Variants in CTNNA2 observed in about 807,000 individuals in gnomAD.
The protein encoded by CTNNA2 is catenin alpha 2.
In CTNNA2, 42 loss-of-function variants were observed where a neutral mutation model predicts 101.0. The ratio of observed to expected loss-of-function variants is 0.42; its 90% CI spans 0.32 to 0.54. CTNNA2 has a LOEUF of 0.54. Ranked by LOEUF, CTNNA2 falls within the 20% of genes least tolerant of loss-of-function variation. The pLI is 0.14. For synonymous variants in CTNNA2, 450 were observed against 456.4 expected, an observed-to-expected ratio of 0.99 and a Z score of 0.18; for missense variants, 871 against 1,223.1, an observed-to-expected ratio of 0.71 and a Z score of 4.29.
intron 7 of CTNNA2, among the ~76,000 whole-genome samples, chr2:80,213,485 C>G (rs931889078): frequency 6.6e-6 from 1 of 152,192 alleles, no homozygotes; most frequent in African/African-American, 2.4e-5. Context: ...AGTAGTCATT[C>G]AGGAGCACAT....
chr2:80,350,488 A>G (rs1222331737), intron 7 of CTNNA2, among the ~76,000 whole-genome samples: 1 of 152,210 alleles, frequency 6.6e-6, no homozygotes, highest in African/African-American at 2.4e-5. Context: ...CAGTTGCTAC[A>G]AGAAGTGGCA....
intron 3 of CTNNA2, among the ~76,000 whole-genome samples, chr2:79,340,652 T>G (rs1365360266): frequency 6.6e-6 from 1 of 151,708 alleles, no homozygotes; most frequent in Non-Finnish European, 1.5e-5. Context: ...GCTAACACGG[T>G]GAAACCCTGT....
chr2:80,014,436 A>G (rs2104046958), intron 7 of CTNNA2, among the ~76,000 whole-genome samples: 1 of 151,736 alleles, frequency 6.6e-6, no homozygotes, highest in Admixed American at 6.6e-5. Flanking sequence ...TTTGAGACAT[A>G]TATTTTCTAT....
At chr2:79,528,351 A>G (rs1672543798) in intron 1 of CTNNA2, among the ~76,000 whole-genome samples, 1 of 151,980 alleles carries the variant, frequency 6.6e-6, no homozygotes, top group South Asian at 2.1e-4. Flanking sequence ...AGCTGGGATT[A>G]TAGGGGTATG....
intron 2 of CTNNA2, among the ~76,000 whole-genome samples, chr2:79,724,581 T>C (rs558897701): frequency 9.9e-5 from 15 of 152,056 alleles, no homozygotes; most frequent in South Asian, 6.2e-4. Context: ...TTTGGGAGGC[T>C]GAGGCGGTCG....
At chr2:80,452,900 A>G (rs1683637073) in intron 9 of CTNNA2, among the ~76,000 whole-genome samples, 1 of 146,876 alleles carries the variant, frequency 6.8e-6, no homozygotes, top group Admixed American at 6.6e-5. Context: ...TTGGAAAGGT[A>G]TCTGATGGAA....
chr2:79,451,465 T>TA (rs904962272), intron 4 of CTNNA2, among the ~76,000 whole-genome samples: 7 of 151,508 alleles, frequency 4.6e-5, no homozygotes, highest in Admixed American at 4.0e-4. Flanking sequence ...ATGAGAACTT[T>TA]AAAAAAAAAC....
chr2:80,549,286 C>G (rs1374293554), intron 11 of CTNNA2, among the ~76,000 whole-genome samples: 1 of 152,122 alleles, frequency 6.6e-6, no homozygotes, highest in Non-Finnish European at 1.5e-5. Flanking sequence ...TCTGAAAAAG[C>G]TATTAACTTG....
chr2:80,474,333 A>G (rs548619015), intron 9 of CTNNA2, among the ~76,000 whole-genome samples: 7 of 152,156 alleles, frequency 4.6e-5, no homozygotes, highest in African/African-American at 1.4e-4. Flanking sequence ...GATCTTCCTC[A>G]TGGTGCTACA....
At chr2:79,733,643 T>C (rs1294356708) in intron 2 of CTNNA2, among the ~76,000 whole-genome samples, 8 of 152,098 alleles carry the variant, frequency 5.3e-5, no homozygotes, top group Admixed American at 5.2e-4. Flanking sequence ...ACATGTGACA[T>C]GTGACCATCT....
chr2:79,338,454 G>A (rs1163430739), intron 3 of CTNNA2, among the ~76,000 whole-genome samples: 2 of 151,998 alleles, frequency 1.3e-5, no homozygotes, highest in Admixed American at 6.6e-5. Flanking sequence ...AGAGAACTAT[G>A]TGAAACAAGA....
intron 2 of CTNNA2, among the ~76,000 whole-genome samples, chr2:79,711,699 C>CT (rs1169607947): frequency 1.3e-5 from 2 of 151,940 alleles, no homozygotes; most frequent in African/African-American, 2.4e-5. Flanking sequence ...GATTGGAGAA[C>CT]TTTTTTTTCT....
In CTNNA2 at chr2:79,214,730, G is replaced by A. The variant is rs1051516083; in HGVS notation, c.-406+16654G>A. Among the ~76,000 whole-genome samples the A allele has an allele frequency of 3.9e-5, 6 of 152,212 alleles. No individual in the cohort carries two copies. In the East Asian group the frequency reaches 9.7e-4, roughly 25 times the overall value. On this transcript the variant is annotated intron_variant, in intron 2 of 21. Transcript: ENST00000466387. ...TTGGGGAAAAGGGCGGCAGTGAGAT[G>A]CGGCTGTAGTCCAAGAATAGTCAGG...
chr2:80,382,195 C>G lies in CTNNA2; in HGVS notation c.1057-11016C>G, dbSNP rs75194725. On this transcript the variant is annotated intron_variant, in intron 7 of 18. Transcript: ENST00000402739. ...GTAATTAAGCCAAGTAGCTAGAATA[C>G]TATTTCATTCATAGCCAATACATAT... 2.1e-3 allele frequency among the ~76,000 whole-genome samples: 320 copies of G among 152,292 alleles called. 8 individuals carry two copies. The East Asian group carries it at 0.053, about 25-fold the overall frequency.
chr2:79,502,803 T>G (rs2103806648), intron 4 of CTNNA2, among the ~76,000 whole-genome samples: 1 of 152,310 alleles, frequency 6.6e-6, no homozygotes, highest in South Asian at 2.1e-4. Flanking sequence ...TAACAGAAGC[T>G]TAGTGAAAAT....
chr2:80,401,869 G>T (rs1238877971), intron 8 of CTNNA2, among the ~76,000 whole-genome samples: 1 of 151,990 alleles, frequency 6.6e-6, no homozygotes, highest in African/African-American at 2.4e-5. Flanking sequence ...AACGTATGCG[G>T]TATGATTTTC....
At chr2:80,213,555 T>C (rs1012475749) in intron 7 of CTNNA2, among the ~76,000 whole-genome samples, 1 of 152,232 alleles carries the variant, frequency 6.6e-6, no homozygotes, top group African/African-American at 2.4e-5. Flanking sequence ...GAGTTCTAAT[T>C]TGATTGCACT....
At position 80,303,993 on chromosome 2, in the gene CTNNA2, C is replaced by A; in HGVS notation, c.1057-89218C>A. 1 of 642,380 alleles carries A rather than the reference C, an allele frequency of 1.6e-6. No homozygotes were observed. Among genetic ancestry groups the A allele is most frequent in the Non-Finnish European group, 2.4e-6 (1 of 408,200 alleles). 39.8% of individuals were successfully genotyped at this position (642,380 alleles called of 1,614,324 possible). On this transcript the variant is annotated intron_variant, in intron 7 of 18. Coordinates refer to ENST00000402739, the MANE Select transcript of CTNNA2 (RefSeq NM_001282597.3). This position sits in a 1 kb window ranked among gnomAD's most constrained non-coding sequence, Gnocchi z 7.7. ...CCCCCCTCCCCAAAAACCACACGTT[C>A]ACCTCTAAGCATGCAGAAAGCTGGG...
intron 7 of CTNNA2, among the ~76,000 whole-genome samples, chr2:80,151,128 G>A (rs909248732): frequency 1.3e-5 from 2 of 152,202 alleles, no homozygotes; most frequent in Non-Finnish European, 2.9e-5. Context: ...TTGCTGGGCA[G>A]TTTCGTCCCA....
Sources: gnomAD v4.1 joint callset for allele counts (sites outside exome capture counted in the v4.1 genomes callset) on GRCh38, gnomAD v4.1.1 for gene constraint, Gnocchi (gnomAD v3.1) non-coding constraint, MANE v1.5 for transcripts, NCBI Gene and HGNC (gene_info 2026-07-23, HGNC 2026-07-21) for gene names.